Variants in FGF12 observed in about 807,000 individuals in gnomAD.
FGF12 encodes fibroblast growth factor 12.
Under a neutral mutation model 23.6 loss-of-function variants are expected in FGF12, and 14 were observed. That is an observed-to-expected ratio of 0.59 (90% CI 0.39 to 0.93). The LOEUF (loss-of-function observed/expected upper bound fraction) is 0.93. Among genes scored for constraint, FGF12 ranks in the 40% least tolerant of loss-of-function variants. The pLI, the probability that FGF12 is intolerant of heterozygous loss-of-function variation, is 0.00. For missense variants in FGF12, 175 were observed against 217.8 expected, an observed-to-expected ratio of 0.80 and a Z score of 1.24; for synonymous variants, 62 against 77.3, an observed-to-expected ratio of 0.80 and a Z score of 1.04.
rs749660748 is a variant in FGF12, at chr3:192,203,044, C to T, written c.229-32388G>A. Among the ~76,000 whole-genome samples, 50 of 151,840 alleles carry T rather than the reference C, an allele frequency of 3.3e-4. 1 individual carries two copies. Among genetic ancestry groups the T allele is most frequent in the Admixed American group, 2.0e-3 (30 of 15,234 alleles). ...GCTCAGCTACTTTTATTTTCAAAAACTTCAGTCTATATATAATATTAGGAG... is the reference window on the plus strand; with the variant it reads ...GCTCAGCTACTTTTATTTTCAAAAATTTCAGTCTATATATAATATTAGGAG... On this transcript the variant is annotated intron_variant, in intron 4 of 5. Coordinates refer to ENST00000445105, the MANE Select transcript of FGF12 (RefSeq NM_004113.6).
intron 2 of FGF12, among the ~76,000 whole-genome samples, chr3:192,382,958 AACAACACG>A (rs1719882125): frequency 1.3e-5 from 2 of 152,230 alleles, no homozygotes; most frequent in Non-Finnish European, 2.9e-5. Context: ...GTGAGAAAGT[AACAACACG>A]GCCAGTCAAG....
At chr3:192,561,487 T>C (rs568767160) in intron 2 of FGF12, among the ~76,000 whole-genome samples, 21 of 152,126 alleles carry the variant, frequency 1.4e-4, no homozygotes, top group East Asian at 1.9e-4. Flanking sequence ...CTCAGCCTTC[T>C]GAGTAGCTGG....
intron 4 of FGF12, among the ~76,000 whole-genome samples, chr3:192,314,529 A>G (rs1027813664): frequency 6.6e-6 from 1 of 152,152 alleles, no homozygotes; most frequent in Non-Finnish European, 1.5e-5. Context: ...CAGGAAGAGA[A>G]GTCCAAGCAA....
chr3:192,719,786 C>CAAA (rs553013127), intron 2 of FGF12, among the ~76,000 whole-genome samples: 4 of 102,322 alleles, frequency 3.9e-5, no homozygotes, highest in Non-Finnish European at 5.9e-5. Context: ...AGACTAAGGG[C>CAAA]AAAAAAAAAA....
intron 4 of FGF12, among the ~76,000 whole-genome samples, chr3:192,207,538 T>C (rs886288737): frequency 6.6e-6 from 1 of 152,072 alleles, no homozygotes; most frequent in African/African-American, 2.4e-5. Context: ...AAATGTTCAG[T>C]GTATTTGGAG....
In FGF12 at chr3:192,432,639, A is replaced by G. The variant is rs6807864; in HGVS notation, c.14-72101T>C. Among the ~76,000 whole-genome samples the G allele has an allele frequency of 8.6e-3, 1,173 of 136,928 alleles. 4 individuals are homozygous for G. Among genetic ancestry groups the G allele is most frequent in the African/African-American group, 0.015 (540 of 35,018 alleles). 89.8% of individuals were successfully genotyped at this position (136,928 alleles called of 152,430 possible). ...ATCTGGCAAAAAAAAAAAAAAAAAA[A>G]AAAGAAAGAAAGAAAGAAAGAAAAG... On this transcript the variant is annotated intron_variant, in intron 2 of 5. Coordinates refer to ENST00000445105, the MANE Select transcript of FGF12 (RefSeq NM_004113.6).
intron 4 of FGF12, among the ~76,000 whole-genome samples, chr3:192,274,738 G>C (rs531741724): frequency 6.6e-6 from 1 of 152,308 alleles, no homozygotes; most frequent in South Asian, 2.1e-4. Flanking sequence ...CTGATGTTCA[G>C]ATAAGGACAT....
chr3:192,156,752 C>T (rs1227835953), intron 5 of FGF12, among the ~76,000 whole-genome samples: 1 of 152,150 alleles, frequency 6.6e-6, no homozygotes, highest in African/African-American at 2.4e-5. Context: ...ATCATTGCTC[C>T]TCTAATGCAT....
chr3:192,599,462 A>C (rs1484436940), intron 2 of FGF12, among the ~76,000 whole-genome samples: 1 of 152,028 alleles, frequency 6.6e-6, no homozygotes, highest in Non-Finnish European at 1.5e-5. Context: ...CTCAGAAGGT[A>C]GTTCTGAGAA....
At chr3:192,666,913 TAGATGATA>T (rs1327271225) in intron 2 of FGF12, among the ~76,000 whole-genome samples, 14 of 131,332 alleles carry the variant, frequency 1.1e-4, no homozygotes, top group African/African-American at 4.3e-4. Flanking sequence ...GTTGGATAGA[TAGATGATA>T]GATAGATAGA....
At chr3:192,225,364 A>C in intron 4 of FGF12, among the ~76,000 whole-genome samples, 1 of 151,878 alleles carries the variant, frequency 6.6e-6, no homozygotes, top group South Asian at 2.1e-4. Flanking sequence ...CTCGTCTTTG[A>C]TTTTTCCATC....
intron 5 of FGF12, among the ~76,000 whole-genome samples, chr3:192,158,089 G>A (rs1468746149): frequency 6.6e-6 from 1 of 152,136 alleles, no homozygotes; most frequent in African/African-American, 2.4e-5. Context: ...TAAATATGCT[G>A]AAAAACATAA....
chr3:192,260,992 G>A (rs936542049), intron 4 of FGF12, among the ~76,000 whole-genome samples: 3 of 152,068 alleles, frequency 2.0e-5, no homozygotes, highest in Non-Finnish European at 4.4e-5. Flanking sequence ...CAAGACAGAT[G>A]GGGGTAGGGA....
At chr3:192,604,961 C>A (rs1714275351) in intron 2 of FGF12, among the ~76,000 whole-genome samples, 1 of 152,110 alleles carries the variant, frequency 6.6e-6, no homozygotes. Context: ...GGAAAGGATT[C>A]CCTATTTAAT....
intron 3 of FGF12, among the ~76,000 whole-genome samples, chr3:192,340,871 A>G (rs901377029): frequency 7.9e-5 from 12 of 152,174 alleles, no homozygotes; most frequent in African/African-American, 2.7e-4. Flanking sequence ...AAAAAAACAT[A>G]GGGGAAAAAG....
chr3:192,599,401 AT>A (rs1327399995), intron 2 of FGF12, among the ~76,000 whole-genome samples: 2 of 152,080 alleles, frequency 1.3e-5, no homozygotes, highest in South Asian at 2.1e-4. Flanking sequence ...TACCTAAAAA[AT>A]ATCTCGACTA....
intron 2 of FGF12, among the ~76,000 whole-genome samples, chr3:192,383,212 A>T (rs553023962): frequency 6.6e-6 from 1 of 152,320 alleles, no homozygotes; most frequent in South Asian, 2.1e-4. Flanking sequence ...CAGAGTTTAT[A>T]CTTTTCTGAG....
chr3:192,514,869 G>A lies in FGF12; in HGVS notation c.14-154331C>T. ...GTCCCGAGTCCATCGCGCGCGCCCA[G>A]GTGGAGGGGAGTTTGCACATGGAGC... is the stretch of plus-strand genomic sequence containing the variant. On this transcript the variant is annotated intron_variant, in intron 2 of 5. Coordinates refer to ENST00000445105, the MANE Select transcript of FGF12 (RefSeq NM_004113.6). The surrounding 1 kb of genome is among the most constrained non-coding windows in gnomAD (Gnocchi z 4.9). 2 of 985,362 alleles carry A rather than the reference G, an allele frequency of 2.0e-6. No individual in the cohort carries two copies. Among genetic ancestry groups the A allele is most frequent in the South Asian group, 4.7e-5 (1 of 21,284 alleles). 61.0% of individuals were successfully genotyped at this position (985,362 alleles called of 1,614,324 possible). A position where few individuals can be genotyped will look rare whatever the true frequency, so the allele number is the denominator to read the frequency against.
intron 2 of FGF12, among the ~76,000 whole-genome samples, chr3:192,419,923 A>C (rs1721470030): frequency 6.6e-6 from 1 of 152,192 alleles, no homozygotes; most frequent in Non-Finnish European, 1.5e-5. Context: ...CACATGGTTG[A>C]AAACCTAAAT....
Sources: allele counts gnomAD v4.1 joint callset (sites outside exome capture counted in the v4.1 genomes callset), GRCh38; gene constraint gnomAD v4.1.1; non-coding constraint Gnocchi (gnomAD v3.1); transcripts MANE v1.5; gene names NCBI Gene and HGNC (gene_info 2026-07-23, HGNC 2026-07-21).